GARNL3: variants seen among roughly 807,000 people sequenced by gnomAD.
The protein encoded by GARNL3 is GTPase-activating Rap/Ran-GAP domain-like protein 3.
In GARNL3, 63 loss-of-function variants were observed where a neutral mutation model predicts 125.0. That is an observed-to-expected ratio of 0.50 (90% CI 0.41 to 0.62). The LOEUF (loss-of-function observed/expected upper bound fraction) is 0.62. Among genes scored for constraint, GARNL3 ranks in the 20% least tolerant of loss-of-function variants. The pLI, the probability that GARNL3 is intolerant of heterozygous loss-of-function variation, is 0.00. For synonymous variants in GARNL3, 439 were observed against 457.5 expected (o/e 0.96, Z 0.52); for missense variants, 994 against 1,244.0 (o/e 0.80, Z 3.02).
Position 127,321,136 on chromosome 9 carries a change from A to AT in GARNL3, c.567+368dup, listed in dbSNP as rs893777701. The stretch of plus-strand genomic sequence containing the variant: ...ATAGAATTGTGTGGAACATTAAAGA[A>AT]TTTTTTTTTTAATCGAAATGGAGTT... On this transcript the variant is annotated intron_variant, in intron 6 of 27. Coordinates refer to ENST00000373387, the MANE Select transcript of GARNL3 (RefSeq NM_032293.5). Among the ~76,000 whole-genome samples, 23 of 150,992 alleles carry AT rather than the reference A, an allele frequency of 1.5e-4. No homozygotes were observed. The South Asian group carries it at 4.0e-3, about 26-fold the overall frequency.
chr9:127,385,061 C>T lies in GARNL3; in HGVS notation c.2304C>T (p.Thr768=), dbSNP rs767319667. Residue 768 remains threonine (T), a synonymous_variant, in exon 24 of 28, where the codon ACC becomes ACT. Coordinates refer to ENST00000373387, the MANE Select transcript of GARNL3 (RefSeq NM_032293.5). The surrounding 1 kb of genome is among the most constrained non-coding windows in gnomAD (Gnocchi z 4.1). The part of the protein sequence containing the change: ...CAFPYLLAFT[T]DSMEIRLVVN... ...TCCCGTATCTCCTGGCCTTCACCAC[C>T]GACTCCATGGAGATCCGCCTGGTGG... 5.6e-6 allele frequency: 9 copies of T among 1,611,902 alleles called. No homozygotes were observed. Among genetic ancestry groups the T allele is most frequent in the Admixed American group, 5.0e-5 (3 of 59,770 alleles).
Position 127,364,226 on chromosome 9 carries a change from G to T in GARNL3, c.2095-1074G>T, listed in dbSNP as rs999507036. 2.6e-5 allele frequency: 4 copies of T among 152,278 alleles called. No homozygotes were observed. Among genetic ancestry groups the T allele is most frequent in the African/African-American group, 7.2e-5 (3 of 41,474 alleles). The allele number at this position is 152,278 out of a possible 1,614,324, so 9.4% of individuals were successfully genotyped here. On this transcript the variant is annotated intron_variant, in intron 21 of 27. Transcript: ENST00000373387. The surrounding 1 kb of genome is among the most constrained non-coding windows in gnomAD (Gnocchi z 4.2). ...GTGTGCCTGAGCCCGTGAATTTAGG[G>T]TTTTGGGCACAAAGCAAAATTTGGA...
chr9:127,379,395 T>A (rs1481038169), intron 22 of GARNL3, among the ~76,000 whole-genome samples: 1 of 152,232 alleles, frequency 6.6e-6, no homozygotes, highest in Non-Finnish European at 1.5e-5. Flanking sequence ...CTGAGAATTT[T>A]AATATGCAAA....
chr9:127,289,706 A>T (rs2064357297), intron 1 of GARNL3, among the ~76,000 whole-genome samples: 1 of 152,198 alleles, frequency 6.6e-6, no homozygotes, highest in Non-Finnish European at 1.5e-5. Flanking sequence ...CTAAGTAATC[A>T]GACACTAACA....
rs1830735922 is a variant in GARNL3 at position 127,357,222 on chromosome 9, A to G, written c.1939A>G (p.Ile647Val). ...PVEEFQYIREICLSDSPMVMT... is the reference protein window; with the variant it reads ...PVEEFQYIREVCLSDSPMVMT... ...TGTATCCTCACCAACCACACAGGAG[A>G]TCTGTCTGTCTGACTCTCCCATGGT... Residue 647 changes from isoleucine to valine, a missense_variant, in exon 21 of 28, where the codon ATC becomes GTC. By Grantham distance (29) the Ile-to-Val change is conservative (BLOSUM62 3). Coordinates refer to ENST00000373387, the MANE Select transcript of GARNL3 (RefSeq NM_032293.5). 1.9e-6 allele frequency: 3 copies of G among 1,614,126 alleles called. No homozygotes were observed. Among genetic ancestry groups the G allele is most frequent in the South Asian group, 2.2e-5 (2 of 91,068 alleles).
intron 1 of GARNL3, among the ~76,000 whole-genome samples, chr9:127,225,885 G>A (rs1261185275): frequency 6.6e-6 from 1 of 151,138 alleles, no homozygotes; most frequent in Non-Finnish European, 1.5e-5. Context: ...CCGGGCCGCC[G>A]GCGCCCCTAG....
rs1334333321 is a variant in GARNL3, at chr9:127,345,514, C to T, written c.1431+37C>T. 3 of 1,272,714 alleles carry T rather than the reference C, an allele frequency of 2.4e-6. No homozygotes were observed. The South Asian group carries it at 3.9e-5, about 17-fold the overall frequency. 78.8% of individuals were successfully genotyped at this position (1,272,714 alleles called of 1,614,324 possible). A position where few individuals can be genotyped will look rare whatever the true frequency, so the allele number is the denominator to read the frequency against. ...ATACTTTCAATTTGAACTTTGAATT[C>T]CCCTTTTCCTTAATGAAAATGATTG... On this transcript the variant is annotated intron_variant, in intron 16 of 27. Transcript: ENST00000373387.
intron 6 of GARNL3, among the ~76,000 whole-genome samples, chr9:127,324,614 T>C (rs2065507994): frequency 6.6e-6 from 1 of 152,238 alleles, no homozygotes; most frequent in African/African-American, 2.4e-5. Flanking sequence ...GACTTCCTTG[T>C]AATAAGTTTA....
intron 22 of GARNL3, among the ~76,000 whole-genome samples, chr9:127,374,269 C>T (rs1280532714): frequency 6.6e-6 from 1 of 151,854 alleles, no homozygotes; most frequent in African/African-American, 2.4e-5. Flanking sequence ...CCATTGCGCT[C>T]CAGCCTGGGC....
At chr9:127,293,395 C>T (rs1282779053) in intron 2 of GARNL3, among the ~76,000 whole-genome samples, 1 of 151,988 alleles carries the variant, frequency 6.6e-6, no homozygotes, top group Non-Finnish European at 1.5e-5. Flanking sequence ...AAAGTTTTCT[C>T]CTATTCTGTG....
intron 21 of GARNL3, chr9:127,361,773 G>A (rs892278190): frequency 5.3e-5 from 8 of 152,160 alleles, no homozygotes; most frequent in African/African-American, 1.9e-4. Context: ...AGACTTACTT[G>A]ATGCCAAGTA....
Position 127,332,255 on chromosome 9 carries a change from CT to C in GARNL3, c.595-15del, listed in dbSNP as rs1269649247. On this transcript the variant is annotated intron_variant, in intron 7 of 27. Transcript: ENST00000373387. Reference sequence around the variant, plus strand: ...GTGATGATAAAATTAACTGTAACACCTTTTGTTATTATCCTAAGGGCTCTGT... The same window carrying C: ...GTGATGATAAAATTAACTGTAACACCTTTGTTATTATCCTAAGGGCTCTGT... 4.3e-5 allele frequency: 68 copies of C among 1,595,504 alleles called. No homozygotes were observed. Among genetic ancestry groups the C allele is most frequent in the Non-Finnish European group, 5.8e-5 (68 of 1,163,452 alleles).
At position 127,278,885 on chromosome 9, in the gene GARNL3, A is replaced by T. The variant is rs7031632; in HGVS notation, c.145-12283A>T. Among the ~76,000 whole-genome samples the T allele has an allele frequency of 7.5e-3, 1,148 of 152,204 alleles. 15 individuals are homozygous for T. Among genetic ancestry groups the T allele is most frequent in the African/African-American group, 0.027 (1,114 of 41,536 alleles). ...CGTCACTCCAGTCTCTGCCTCTGTT[A>T]TCACATCGCCTTCTCTCTGTGTCTC... On this transcript the variant is annotated intron_variant, in intron 1 of 27. Coordinates refer to ENST00000373387, the MANE Select transcript of GARNL3 (RefSeq NM_032293.5).
rs755598993 is a variant in GARNL3, at chr9:127,357,345, G to A, written c.2062G>A (p.Ala688Thr). The A allele has an allele frequency of 1.1e-5, 17 of 1,614,010 alleles. 1 individual carries two copies. The South Asian group carries it at 1.4e-4, about 14-fold the overall frequency. The change falls in exon 21 of 28, where the codon GCC (alanine) becomes ACC (threonine). Residue 688 changes from alanine to threonine, a missense_variant. Coordinates refer to ENST00000373387, the MANE Select transcript of GARNL3 (RefSeq NM_032293.5). Reference protein sequence around the residue: ...FDVVNESTGEAFRLHHVEANR... With the variant: ...FDVVNESTGETFRLHHVEANR... ...TGTGGTGAATGAGAGCACAGGAGAA[G>A]CCTTCAGGCTGCACCACGTGGAGGC...
At chr9:127,272,680 T>C (rs1225899008) in intron 1 of GARNL3, among the ~76,000 whole-genome samples, 4 of 152,188 alleles carry the variant, frequency 2.6e-5, no homozygotes, top group Non-Finnish European at 5.9e-5. Flanking sequence ...GGTTTCACCA[T>C]GTTGGCCAGG....
chr9:127,275,828 T>C (rs1035035929), intron 1 of GARNL3, among the ~76,000 whole-genome samples: 2 of 152,216 alleles, frequency 1.3e-5, no homozygotes, highest in African/African-American at 2.4e-5. Context: ...AAGAAAAGGA[T>C]TGTATGCTTT....
At chr9:127,316,091 C>G (rs2065233382) in intron 4 of GARNL3, among the ~76,000 whole-genome samples, 1 of 152,178 alleles carries the variant, frequency 6.6e-6, no homozygotes, top group Non-Finnish European at 1.5e-5. Context: ...AGAGCTTTAC[C>G]AGTTTGTGGT....
chr9:127,342,408 T>TGA (rs1270486426), intron 14 of GARNL3, 74 bp downstream of exon 14: 2 of 993,390 alleles, frequency 2.0e-6, no homozygotes, highest in African/African-American at 1.6e-5. Flanking sequence ...AACTCAGCGA[T>TGA]GAGGCCCTGG....
At chr9:127,354,519 T>G in intron 19 of GARNL3, 109 bp downstream of exon 19, 1 of 659,110 alleles carries the variant, frequency 1.5e-6, no homozygotes, top group Non-Finnish European at 2.6e-6. Flanking sequence ...TATTAGTTTG[T>G]TTTTTGTTTG....
Sources: allele counts gnomAD v4.1 joint callset (sites outside exome capture counted in the v4.1 genomes callset), GRCh38; gene constraint gnomAD v4.1.1; non-coding constraint Gnocchi (gnomAD v3.1); transcripts MANE v1.5; gene names NCBI Gene and HGNC (gene_info 2026-07-23, HGNC 2026-07-21).